MAML3: variants seen among roughly 807,000 people sequenced by gnomAD.
The protein encoded by MAML3 is mastermind-like protein 3.
MAML3 carries 27 observed loss-of-function variants against 101.9 expected under a neutral mutation model. The observed-to-expected ratio is 0.27, with a 90% CI of 0.20 to 0.37. The LOEUF (loss-of-function observed/expected upper bound fraction) is 0.37, where lower values mean the gene tolerates loss of function less well. Among genes scored for constraint, MAML3 ranks in the 10% least tolerant of loss-of-function variants. The pLI is 1.00. For synonymous variants in MAML3, 501 were observed against 555.9 expected (o/e 0.90, Z 1.39); for missense variants, 1,316 against 1,444.9 (o/e 0.91, Z 1.45).
chr4:139,770,535 G>T (rs758212349), intron 2 of MAML3, among the ~76,000 whole-genome samples: 6 of 152,190 alleles, frequency 3.9e-5, no homozygotes, highest in Non-Finnish European at 8.8e-5. Flanking sequence ...GGAGGAGATT[G>T]GTGGTGGCTG....
chr4:139,859,319 T>C (rs951684410), intron 2 of MAML3, among the ~76,000 whole-genome samples: 1 of 151,196 alleles, frequency 6.6e-6, no homozygotes, highest in African/African-American at 2.4e-5. Flanking sequence ...CTCCACTTCC[T>C]GGGCTAAAGC....
At chr4:139,754,236 T>G (rs2111045187) in intron 2 of MAML3, among the ~76,000 whole-genome samples, 1 of 152,328 alleles carries the variant, frequency 6.6e-6, no homozygotes, top group African/African-American at 2.4e-5. Context: ...ATGTAAAAAA[T>G]CACTAATTTT....
intron 1 of MAML3, among the ~76,000 whole-genome samples, chr4:140,079,066 C>T (rs1727823633): frequency 6.6e-6 from 1 of 152,132 alleles, no homozygotes; most frequent in South Asian, 2.1e-4. Context: ...AGAAGGAAGG[C>T]AAAAGCAGGA....
intron 2 of MAML3, among the ~76,000 whole-genome samples, chr4:139,875,231 G>A (rs1279436063): frequency 2.0e-5 from 3 of 152,082 alleles, no homozygotes; most frequent in Non-Finnish European, 2.9e-5. Context: ...GCTGACTCCC[G>A]ACCTCTACAC....
chr4:140,071,731 T>G (rs942191853), intron 1 of MAML3, among the ~76,000 whole-genome samples: 4 of 136,222 alleles, frequency 2.9e-5, no homozygotes, highest in Admixed American at 1.7e-4. Flanking sequence ...ATCTTTACAC[T>G]TATAATTTTA....
intron 2 of MAML3, among the ~76,000 whole-genome samples, chr4:139,739,240 T>G (rs1048805810): frequency 2.6e-5 from 4 of 152,222 alleles, no homozygotes; most frequent in African/African-American, 9.6e-5. Context: ...CTGCTGAATG[T>G]TAAAGAAAGG....
intron 1 of MAML3, among the ~76,000 whole-genome samples, chr4:140,034,026 T>C (rs1247184767): frequency 6.6e-5 from 10 of 152,150 alleles, no homozygotes; most frequent in Admixed American, 6.5e-4. Context: ...CTTCTCACAG[T>C]GTGGACCAAT....
chr4:139,968,790 T>C (rs1203405940), intron 1 of MAML3, among the ~76,000 whole-genome samples: 1 of 152,056 alleles, frequency 6.6e-6, no homozygotes, highest in African/African-American at 2.4e-5. Flanking sequence ...TACATGACCA[T>C]TTAAATGCCT....
At chr4:139,838,097 G>A (rs991288405) in intron 2 of MAML3, among the ~76,000 whole-genome samples, 2 of 151,646 alleles carry the variant, frequency 1.3e-5, no homozygotes, top group African/African-American at 4.9e-5. Context: ...TGGGTACATC[G>A]GCCAAGCCTG....
intron 1 of MAML3, among the ~76,000 whole-genome samples, chr4:140,083,357 T>C (rs1479800307): frequency 6.6e-6 from 1 of 152,384 alleles, no homozygotes; most frequent in East Asian, 1.9e-4. Flanking sequence ...GTTGCTGCTC[T>C]GCAAATGATT....
chr4:139,921,004 C>T (rs1465270174), intron 1 of MAML3, among the ~76,000 whole-genome samples: 6 of 152,160 alleles, frequency 3.9e-5, no homozygotes, highest in Admixed American at 1.3e-4. Flanking sequence ...CAGCTGAAAA[C>T]GCAGTCTCAC....
chr4:139,832,270 AT>A (rs201591432), intron 2 of MAML3, among the ~76,000 whole-genome samples: 80 of 139,330 alleles, frequency 5.7e-4, no homozygotes, highest in Admixed American at 8.5e-4. Context: ...ACGCCCAGCT[AT>A]TTTTTTTTTT....
At position 140,153,666 on chromosome 4, in the gene MAML3, T is replaced by C. The variant is rs898425060; in HGVS notation, c.-339A>G. 3.6e-6 allele frequency: 1 copy of C among 280,578 alleles called. No homozygotes were observed. Among genetic ancestry groups the C allele is most frequent in the African/African-American group, 2.2e-5 (1 of 45,356 alleles). The allele number at this position is 280,578 out of a possible 1,614,324, so 17.4% of individuals were successfully genotyped here. On this transcript the variant is annotated 5_prime_UTR_variant, in exon 1 of 5. Transcript: ENST00000509479. ...GGGGAGATCCGCTCCTTGCTTGCCT[T>C]CTTTTTATAATCCATTATTTTCTAA...
chr4:139,953,269 C>T lies in MAML3; in HGVS notation c.469-62302G>A, dbSNP rs11930841. On this transcript the variant is annotated intron_variant, in intron 1 of 4. Coordinates refer to ENST00000509479, the MANE Select transcript of MAML3 (RefSeq NM_018717.5). ...GGTAGAAAAGAGATTTATCTCTCAC[C>T]GTATTTTGTTTTTAGCCTTTTGAAT... is the stretch of plus-strand genomic sequence containing the variant. 7.0e-3 allele frequency among the ~76,000 whole-genome samples: 1,063 copies of T among 152,226 alleles called. 10 individuals carry two copies. Among genetic ancestry groups the T allele is most frequent in the African/African-American group, 0.024 (1,008 of 41,526 alleles).
intron 1 of MAML3, among the ~76,000 whole-genome samples, chr4:140,090,397 C>A (rs1212191501): frequency 6.6e-6 from 1 of 152,202 alleles, no homozygotes; most frequent in Non-Finnish European, 1.5e-5. Context: ...ACAGGAATGA[C>A]AATAACAACA....
intron 1 of MAML3, among the ~76,000 whole-genome samples, chr4:139,938,819 C>T (rs925385413): frequency 2.6e-5 from 4 of 152,186 alleles, no homozygotes; most frequent in African/African-American, 9.7e-5. Flanking sequence ...TTATGTTCAA[C>T]GAACAGTACG....
intron 1 of MAML3, among the ~76,000 whole-genome samples, chr4:140,149,866 C>T (rs1027211374): frequency 6.6e-6 from 1 of 151,686 alleles, no homozygotes; most frequent in Non-Finnish European, 1.5e-5. Flanking sequence ...TGTTAAAATA[C>T]TCTCAGAAGC....
At chr4:140,019,633 C>T (rs1013673881) in intron 1 of MAML3, among the ~76,000 whole-genome samples, 1 of 152,192 alleles carries the variant, frequency 6.6e-6, no homozygotes, top group African/African-American at 2.4e-5. Flanking sequence ...CTTTCCACTG[C>T]TATACAATCT....
chr4:140,094,084 G>T (rs975660424), intron 1 of MAML3, among the ~76,000 whole-genome samples: 10 of 152,174 alleles, frequency 6.6e-5, no homozygotes, highest in Non-Finnish European at 1.3e-4. Context: ...CTGCCAATGA[G>T]CTCTGCCAGG....
Sources: allele counts gnomAD v4.1 joint callset (sites outside exome capture counted in the v4.1 genomes callset), GRCh38; gene constraint gnomAD v4.1.1; transcripts MANE v1.5; gene names NCBI Gene and HGNC (gene_info 2026-07-23, HGNC 2026-07-21).